Variants in IQCK observed in about 807,000 individuals in gnomAD.
The protein encoded by IQCK is IQ domain-containing protein K.
A neutral mutation model predicts 28.1 loss-of-function variants in IQCK; 29 were observed. The ratio of observed to expected loss-of-function variants is 1.03; its 90% CI spans 0.77 to 1.41. The LOEUF (loss-of-function observed/expected upper bound fraction) is 1.41. IQCK is among the 40% of genes most tolerant of loss of function. The probability of loss-of-function intolerance (pLI) is 0.00; values close to 1 mark genes in which losing one functional copy is unlikely to be tolerated. For missense variants in IQCK, 359 were observed against 314.7 expected (o/e 1.14, Z -1.07); for synonymous variants, 113 against 115.1 (o/e 0.98, Z 0.12).
chr16:19,774,470 C>T (rs987255477), intron 6 of IQCK, among the ~76,000 whole-genome samples: 1 of 129,874 alleles, frequency 7.7e-6, no homozygotes, highest in Non-Finnish European at 1.5e-5. Flanking sequence ...TGCAGCGATG[C>T]GATCTTGGCT....
At chr16:19,856,779 A>G in exon 10 of IQCK, 1 of 518,732 alleles carries the variant, frequency 1.9e-6, no homozygotes, top group Non-Finnish European at 3.4e-6. Context: ...TTATTCATTC[A>G]TCCAGATTAC....
intron 5 of IQCK, 22 bp downstream of exon 5, chr16:19,763,922 A>C (rs1459827039): frequency 1.2e-6 from 2 of 1,609,028 alleles, no homozygotes; most frequent in Admixed American, 1.7e-5. Context: ...GTGTCTGACT[A>C]TTCAGTGATC....
At chr16:19,784,240 T>G (rs1277374702) in intron 6 of IQCK, among the ~76,000 whole-genome samples, 1 of 152,084 alleles carries the variant, frequency 6.6e-6, no homozygotes, top group Non-Finnish European at 1.5e-5. Context: ...AGCAAATGAT[T>G]GTGTTTTCTT....
intron 4 of IQCK, among the ~76,000 whole-genome samples, chr16:19,760,594 C>A (rs1246829851): frequency 6.6e-6 from 1 of 152,130 alleles, no homozygotes; most frequent in Admixed American, 6.6e-5. Context: ...TGGGGTGATA[C>A]AATTCAACCC....
intron 6 of IQCK, among the ~76,000 whole-genome samples, chr16:19,769,367 A>AAATGTGG (rs2055286723): frequency 6.6e-6 from 1 of 152,202 alleles, no homozygotes; most frequent in East Asian, 1.9e-4. Flanking sequence ...CCAGTTCCTT[A>AAATGTGG]TTGGTAAATG....
In IQCK at chr16:19,763,911, C is replaced by G; in HGVS notation, c.527+11C>G. 2 of 1,611,976 alleles carry G rather than the reference C, an allele frequency of 1.2e-6. No individual in the cohort carries two copies. Among genetic ancestry groups the G allele is most frequent in the Non-Finnish European group, 1.7e-6 (2 of 1,178,056 alleles). On this transcript the variant is annotated intron_variant, in intron 5 of 7. Coordinates refer to ENST00000564186, the Ensembl canonical transcript of IQCK. ...TGAGTGGTTATACAAGTAAGTTGTT[C>G]GTGTCTGACTATTCAGTGATCCTAA... is the stretch of plus-strand genomic sequence containing the variant.
At chr16:19,728,516 C>T (rs1333037834) in intron 1 of IQCK, among the ~76,000 whole-genome samples, 1 of 152,140 alleles carries the variant, frequency 6.6e-6, no homozygotes, top group Non-Finnish European at 1.5e-5. Flanking sequence ...TCGTAAAGTG[C>T]TGGGATTACA....
intron 7 of IQCK, among the ~76,000 whole-genome samples, chr16:19,815,554 C>T (rs1292203763): frequency 6.6e-6 from 1 of 152,108 alleles, no homozygotes; most frequent in African/African-American, 2.4e-5. Context: ...GCCTGTAGTA[C>T]CAGCTAGATG....
At chr16:19,800,801 G>A (rs2055748511) in intron 7 of IQCK, among the ~76,000 whole-genome samples, 1 of 101,624 alleles carries the variant, frequency 9.8e-6, no homozygotes, top group South Asian at 3.0e-4. Context: ...GCAGGATAAG[G>A]AGTGATGTTT....
rs763405698 is a variant in IQCK, at chr16:19,805,759, G to A, written c.690+16837G>A. ...AACCAGGCATTGCAGTAAAGAAAGA[G>A]TTTAATTGACACGAGGCCAGCCATG... is the stretch of plus-strand genomic sequence containing the variant. On this transcript the variant is annotated intron_variant, in intron 7 of 7. Coordinates refer to ENST00000564186, the Ensembl canonical transcript of IQCK. Among the ~76,000 whole-genome samples, 12 of 151,944 alleles carry A rather than the reference G, an allele frequency of 7.9e-5. 1 individual carries two copies. Among genetic ancestry groups the A allele is most frequent in the Admixed American group, 1.3e-4 (2 of 15,262 alleles).
chr16:19,772,049 ATGGT>A (rs1418160600), intron 6 of IQCK, among the ~76,000 whole-genome samples: 1 of 152,192 alleles, frequency 6.6e-6, no homozygotes, highest in Non-Finnish European at 1.5e-5. Context: ...TGGAGAACAG[ATGGT>A]TGGTAAAATC....
chr16:19,752,745 G>A (rs1411749957), intron 4 of IQCK, among the ~76,000 whole-genome samples: 1 of 152,054 alleles, frequency 6.6e-6, no homozygotes, highest in Non-Finnish European at 1.5e-5. Context: ...TGTATTTTTT[G>A]TAGAGATGGG....
At chr16:19,766,494 G>T (rs77568504) in intron 6 of IQCK, among the ~76,000 whole-genome samples, 2 of 152,196 alleles carry the variant, frequency 1.3e-5, no homozygotes, top group Admixed American at 1.3e-4. Context: ...TCTCAAGTAG[G>T]AATAGTCAGA....
intron 7 of IQCK, among the ~76,000 whole-genome samples, chr16:19,818,874 C>T (rs527505177): frequency 1.3e-5 from 2 of 152,052 alleles, no homozygotes; most frequent in Non-Finnish European, 1.5e-5. Context: ...GTAATAGGAA[C>T]GACTTTATTT....
In IQCK at chr16:19,726,742, C is replaced by T. The variant is rs182604442; in HGVS notation, c.182-3688C>T. Among the ~76,000 whole-genome samples the T allele has an allele frequency of 7.6e-4, 115 of 152,284 alleles. 2 individuals are homozygous for T. The South Asian group carries it at 0.011, about 15-fold the overall frequency. On this transcript the variant is annotated intron_variant, in intron 1 of 7. Coordinates refer to ENST00000564186, the Ensembl canonical transcript of IQCK. ...TTACGATATGGTTGGTTCTGTTCAT[C>T]CATTCGTTCATTCATTCAGCCAGTA...
intron 7 of IQCK, among the ~76,000 whole-genome samples, chr16:19,803,142 G>T (rs984072741): frequency 6.6e-6 from 1 of 151,872 alleles, no homozygotes; most frequent in African/African-American, 2.4e-5. Flanking sequence ...TGTTTTGTTT[G>T]TTTGTTTTTT....
intron 9 of IQCK, among the ~76,000 whole-genome samples, chr16:19,841,928 C>T (rs967631446): frequency 6.6e-6 from 1 of 151,830 alleles, no homozygotes; most frequent in African/African-American, 2.4e-5. Flanking sequence ...TCACTGCAAC[C>T]TCCACCTCCT....
At chr16:19,810,899 A>G (rs1834684155) in intron 7 of IQCK, among the ~76,000 whole-genome samples, 1 of 152,254 alleles carries the variant, frequency 6.6e-6, no homozygotes, top group Admixed American at 6.5e-5. Context: ...AAAGTCTTAA[A>G]ATAGTGCTGG....
intron 7 of IQCK, among the ~76,000 whole-genome samples, chr16:19,793,766 AG>A (rs1363851010): frequency 8.4e-5 from 4 of 47,424 alleles, no homozygotes; most frequent in Non-Finnish European, 1.3e-4. Flanking sequence ...ACCAAGTTGG[AG>A]GACTCACCTT....
Sources: allele counts gnomAD v4.1 joint callset (sites outside exome capture counted in the v4.1 genomes callset), GRCh38; gene constraint gnomAD v4.1.1; transcripts MANE v1.5; gene names NCBI Gene and HGNC (gene_info 2026-07-23, HGNC 2026-07-21).